VPS33A: variants seen among roughly 807,000 people sequenced by gnomAD.
The protein encoded by VPS33A is vacuolar protein sorting-associated protein 33A.
A neutral mutation model predicts 71.8 loss-of-function variants in VPS33A; 32 were observed. The observed-to-expected ratio is 0.45, with a 90% CI of 0.34 to 0.60. The LOEUF (loss-of-function observed/expected upper bound fraction) is 0.60. Ranked by LOEUF, VPS33A falls within the 20% of genes least tolerant of loss-of-function variation. The pLI is 0.02. For missense variants in VPS33A, 625 were observed against 748.5 expected, an observed-to-expected ratio of 0.84 and a Z score of 1.92; for synonymous variants, 311 against 292.7, an observed-to-expected ratio of 1.06 and a Z score of -0.64.
At position 122,232,383 on chromosome 12, in the gene VPS33A, C is replaced by A. The variant is rs1370113767; in HGVS notation, c.1654G>T (p.Gly552Cys). 6.2e-7 allele frequency: 1 copy of A among 1,613,752 alleles called. No homozygotes were observed. ...GCAGCAATTTCAGCGAAGGTTACGCCCCCAAGGAAAAATATCAGAGTCACT... is the reference window on the plus strand; with the variant it reads ...GCAGCAATTTCAGCGAAGGTTACGCACCCAAGGAAAAATATCAGAGTCACT... ...NRVTLIFFLG[G>C]VTFAEIAALR... The change falls in exon 13 of 13, where the codon GGC becomes TGC. Residue 552 changes from glycine (G) to cysteine (C), a missense_variant. Transcript: ENST00000267199.
chr12:122,242,728 A>G (rs1425386531), intron 7 of VPS33A, among the ~76,000 whole-genome samples: 1 of 151,934 alleles, frequency 6.6e-6, no homozygotes, highest in Non-Finnish European at 1.5e-5. Context: ...TAATTTTTGT[A>G]TTTTTAGTAG....
chr12:122,242,551 T>C (rs1027240313), intron 7 of VPS33A, 43 bp from the exon 8 acceptor site: 1 of 1,556,386 alleles, frequency 6.4e-7, no homozygotes, highest in Non-Finnish European at 8.7e-7. Flanking sequence ...GGGAAGATAG[T>C]TTATTTATTT....
At chr12:122,248,351 C>T (rs1409341500) in intron 6 of VPS33A, 1 of 152,224 alleles carries the variant, frequency 6.6e-6, no homozygotes, top group Non-Finnish European at 1.5e-5. Context: ...TGTGGTGAGG[C>T]AGGGAGCTCT....
intron 8 of VPS33A, among the ~76,000 whole-genome samples, chr12:122,241,597 G>A (rs1016562613): frequency 1.3e-5 from 2 of 151,196 alleles, no homozygotes; most frequent in Non-Finnish European, 2.9e-5. Flanking sequence ...GAGCCACCTC[G>A]CCCAGTCTTT....
intron 4 of VPS33A, chr12:122,252,745 C>T (rs185191164): frequency 6.6e-6 from 1 of 152,324 alleles, no homozygotes; most frequent in Admixed American, 6.5e-5. Flanking sequence ...GTTAGAGAAT[C>T]TCTTTGTGCC....
In VPS33A at chr12:122,239,951, A is replaced by T; in HGVS notation, c.1097-6T>A. The T allele has an allele frequency of 6.2e-7, 1 of 1,609,786 alleles. No homozygotes were observed. Among genetic ancestry groups the T allele is most frequent in the Non-Finnish European group, 8.5e-7 (1 of 1,176,806 alleles). On this transcript the variant is annotated splice_region_variant and splice_polypyrimidine_tract_variant and intron_variant, in intron 8 of 12. Coordinates refer to ENST00000267199, the MANE Select transcript of VPS33A (RefSeq NM_022916.6). The stretch of plus-strand genomic sequence containing the variant: ...ATCAAAAAAGTCTTCAGAAGCTAAA[A>T]TGAAATTAGCAAATTTGCAACTTAG...
At chr12:122,244,900 T>C in intron 6 of VPS33A, 138 bp from the exon 7 acceptor site, 1 of 800,044 alleles carries the variant, frequency 1.2e-6, no homozygotes, top group Non-Finnish European at 1.9e-6. Flanking sequence ...AGCTTTTGAT[T>C]TTCCATGATC....
At chr12:122,233,874 G>C (rs914501944) in intron 11 of VPS33A, among the ~76,000 whole-genome samples, 1 of 152,146 alleles carries the variant, frequency 6.6e-6, no homozygotes, top group Non-Finnish European at 1.5e-5. Flanking sequence ...AGAAAGGTCA[G>C]AACAGTGAAG....
chr12:122,265,779 TG>T lies in VPS33A; in HGVS notation c.102+527del. 3 of 447,032 alleles carry T rather than the reference TG, an allele frequency of 6.7e-6. 1 individual carries two copies. The highest frequency in any genetic ancestry group is 4.7e-5 in the South Asian group (3 of 64,140). 27.7% of individuals were successfully genotyped at this position (447,032 alleles called of 1,614,324 possible). ...TTTAAAAGAAATCCTATAAAATCTC[TG>T]ATCTAGTTCCTGACTCCCTTGTGAA... On this transcript the variant is annotated intron_variant, in intron 1 of 12. Coordinates refer to ENST00000267199, the MANE Select transcript of VPS33A (RefSeq NM_022916.6).
intron 4 of VPS33A, chr12:122,252,914 A>G (rs764521726): frequency 6.6e-6 from 1 of 152,216 alleles, no homozygotes; most frequent in Non-Finnish European, 1.5e-5. Flanking sequence ...TTTTACAACC[A>G]TTATCCACTC....
intron 6 of VPS33A, among the ~76,000 whole-genome samples, chr12:122,247,080 A>G (rs1020864606): frequency 6.6e-6 from 1 of 152,210 alleles, no homozygotes; most frequent in Non-Finnish European, 1.5e-5. Flanking sequence ...CAATATTAAC[A>G]GTGGTTGTCC....
chr12:122,239,749 C>CAAAAAAAAAAAAA lies in VPS33A; in HGVS notation c.1164+116_1164+128dup, dbSNP rs5801475. On this transcript the variant is annotated intron_variant, in intron 9 of 12. Coordinates refer to ENST00000267199, the MANE Select transcript of VPS33A (RefSeq NM_022916.6). The stretch of plus-strand genomic sequence containing the variant: ...GGTGACACACAGTGAGACTCCGTCT[C>CAAAAAAAAAAAAA]AAAAAAAAAAAAAAAAAAAAAAAAA... The CAAAAAAAAAAAAA allele has an allele frequency of 3.6e-3, 704 of 197,824 alleles. 148 individuals carry two copies. The highest frequency in any genetic ancestry group is 0.019 in the East Asian group (53 of 2,780). The allele number at this position is 197,824 out of a possible 1,614,324, so 12.3% of individuals were successfully genotyped here. A position where few individuals can be genotyped will look rare whatever the true frequency, so the allele number is the denominator to read the frequency against.
chr12:122,237,661 AG>A (rs1954648106), intron 10 of VPS33A, among the ~76,000 whole-genome samples: 1 of 134,994 alleles, frequency 7.4e-6, no homozygotes, highest in South Asian at 2.4e-4. Context: ...CTCCTGCCTC[AG>A]CCTCCCGAGT....
chr12:122,249,728 C>A, intron 6 of VPS33A, 143 bp downstream of exon 6: 1 of 762,868 alleles, frequency 1.3e-6, no homozygotes. Context: ...ACAAAAAGGT[C>A]TGTATTAATC....
chr12:122,232,127 G>T lies in VPS33A; in HGVS notation c.*119C>A. On this transcript the variant is annotated 3_prime_UTR_variant, in exon 13 of 13. Coordinates refer to ENST00000267199, the MANE Select transcript of VPS33A (RefSeq NM_022916.6). ...AAACAGTAGTATAATTTAAGAAGCT[G>T]ACCCCAGAATATATTCTGTATTCCC... 1.1e-6 allele frequency: 1 copy of T among 952,156 alleles called. No homozygotes were observed. Among genetic ancestry groups the T allele is most frequent in the Non-Finnish European group, 1.5e-6 (1 of 649,096 alleles). 59.0% of individuals were successfully genotyped at this position (952,156 alleles called of 1,614,324 possible). A position where few individuals can be genotyped will look rare whatever the true frequency, so the allele number is the denominator to read the frequency against.
chr12:122,245,220 T>C (rs1321454607), intron 6 of VPS33A, among the ~76,000 whole-genome samples: 1 of 151,938 alleles, frequency 6.6e-6, no homozygotes, highest in Non-Finnish European at 1.5e-5. Flanking sequence ...ATACAAAAGC[T>C]TATCACACGC....
At chr12:122,259,197 GTA>G (rs1202058472) in intron 4 of VPS33A, among the ~76,000 whole-genome samples, 2 of 149,752 alleles carry the variant, frequency 1.3e-5, no homozygotes, top group East Asian at 2.3e-4. Context: ...GTGTATGTAT[GTA>G]TGTATGTATG....
chr12:122,242,612 G>GCGCAATCTCGGCTCACTGC, intron 7 of VPS33A, 104 bp from the exon 8 acceptor site: 1 of 1,387,854 alleles, frequency 7.2e-7, no homozygotes, highest in South Asian at 1.5e-5. Flanking sequence ...GAGTGCAGTG[G>GCGCAATCTCGGCTCACTGC]CGCAATCTCG....
intron 4 of VPS33A, among the ~76,000 whole-genome samples, chr12:122,260,378 C>A (rs1218899760): frequency 1.3e-5 from 2 of 151,900 alleles, no homozygotes; most frequent in Non-Finnish European, 2.9e-5. Flanking sequence ...CGGCTTACTG[C>A]AACCTCCACC....
Sources: gnomAD v4.1 joint callset for allele counts (sites outside exome capture counted in the v4.1 genomes callset) on GRCh38, gnomAD v4.1.1 for gene constraint, MANE v1.5 for transcripts, NCBI Gene and HGNC (gene_info 2026-07-23, HGNC 2026-07-21) for gene names.